Variants in ITGA1 observed in about 807,000 individuals in gnomAD.
The protein encoded by ITGA1 is integrin alpha-1.
A neutral mutation model predicts 145.9 loss-of-function variants in ITGA1; 85 were observed. The observed-to-expected ratio is 0.58, with a 90% CI of 0.49 to 0.70. The LOEUF (loss-of-function observed/expected upper bound fraction) is 0.70, where lower values mean the gene tolerates loss of function less well. Among genes scored for constraint, ITGA1 ranks in the 30% least tolerant of loss-of-function variants. The pLI, the probability that ITGA1 is intolerant of heterozygous loss-of-function variation, is 0.00. For synonymous variants in ITGA1, 520 were observed against 495.3 expected, an observed-to-expected ratio of 1.05 and a Z score of -0.66; for missense variants, 1,351 against 1,418.7, an observed-to-expected ratio of 0.95 and a Z score of 0.77.
At chr5:52,853,528 A>G (rs1457715874) in intron 2 of ITGA1, among the ~76,000 whole-genome samples, 1 of 152,228 alleles carries the variant, frequency 6.6e-6, no homozygotes, top group Non-Finnish European at 1.5e-5. Flanking sequence ...CGTCGTGACT[A>G]TAGTACGCCT....
At chr5:52,882,107 T>G (rs987549637) in intron 7 of ITGA1, 86 bp downstream of exon 7, 5 of 1,144,990 alleles carry the variant, frequency 4.4e-6, no homozygotes, top group Non-Finnish European at 4.8e-6. Flanking sequence ...AATTGAAAGT[T>G]TAATATGACA....
chr5:52,801,602 C>T (rs1190080856), intron 1 of ITGA1: 1 of 1,613,990 alleles, frequency 6.2e-7, no homozygotes, highest in Non-Finnish European at 8.5e-7. Context: ...GAAGCCATGG[C>T]AATTGACACA....
intron 11 of ITGA1, among the ~76,000 whole-genome samples, chr5:52,899,762 G>A (rs1041092479): frequency 2.0e-5 from 3 of 152,248 alleles, no homozygotes; most frequent in Admixed American, 6.5e-5. Context: ...ATAAAATATA[G>A]GGGTTAGGCT....
At chr5:52,913,554 C>T (rs1030170854) in intron 14 of ITGA1, among the ~76,000 whole-genome samples, 3 of 151,992 alleles carry the variant, frequency 2.0e-5, no homozygotes, top group Non-Finnish European at 2.9e-5. Flanking sequence ...TACAAAAGTG[C>T]TTAATGCACT....
At chr5:52,832,540 T>C (rs17211415) in intron 1 of ITGA1, among the ~76,000 whole-genome samples, 13,942 of 152,154 alleles carry the variant, frequency 0.092, 816 homozygotes, top group South Asian at 0.23. Context: ...CAATCACATA[T>C]TAGGAGGTCA....
chr5:52,799,999 TAGTGCGCCTGCGCACGC>T, intron 1 of ITGA1: 1 of 275,924 alleles, frequency 3.6e-6, no homozygotes, highest in Non-Finnish European at 7.1e-6. Context: ...CCTCACAGCT[TAGTGCGCCTGCGCACGC>T]GCGAACTGCG....
In ITGA1 at chr5:52,945,000, T is replaced by C; in HGVS notation, c.3343T>C (p.Ser1115Pro). 5.0e-6 allele frequency: 8 copies of C among 1,613,446 alleles called. No individual in the cohort carries two copies. Among genetic ancestry groups the C allele is most frequent in the Non-Finnish European group, 6.8e-6 (8 of 1,179,714 alleles). Reference protein sequence around the residue: ...IRGELRSENASLVLSSSNQKR... With the variant: ...IRGELRSENAPLVLSSSNQKR... ...GGGAGAACTTCGGAGTGAAAATGCA[T>C]CTCTGGTTTTAAGTAGCAGCAATCA... is the stretch of plus-strand genomic sequence containing the variant. Residue 1115 changes from serine to proline, a missense_variant, in exon 27 of 29, where the codon TCT becomes CCT. Ser to Pro is a moderately conservative substitution (Grantham distance 74, BLOSUM62 -1). Coordinates refer to ENST00000282588, the MANE Select transcript of ITGA1 (RefSeq NM_181501.2).
rs72756558 is a variant in ITGA1 at position 52,830,410 on chromosome 5, A to G, written c.62-18955A>G. On this transcript the variant is annotated intron_variant, in intron 1 of 28. Transcript: ENST00000282588. ...AAGTTTTCATAGGTAGGACTGTAAG[A>G]ATGTTTTAAATAAATCCTAATCATT... Among the ~76,000 whole-genome samples, 1,038 of 152,290 alleles carry G rather than the reference A, an allele frequency of 6.8e-3. 3 individuals carry two copies. Among genetic ancestry groups the G allele is most frequent in the Middle Eastern group, 0.01 (3 of 294 alleles).
chr5:52,917,289 G>T (rs1750661835), intron 15 of ITGA1, among the ~76,000 whole-genome samples: 1 of 152,152 alleles, frequency 6.6e-6, no homozygotes, highest in Non-Finnish European at 1.5e-5. Flanking sequence ...GGGTAAACTG[G>T]CTAAAACTCA....
chr5:52,915,556 T>G lies in ITGA1; in HGVS notation c.1950T>G (p.Asp650Glu). The G allele has an allele frequency of 6.2e-7, 1 of 1,614,106 alleles. No homozygotes were observed. Among genetic ancestry groups the G allele is most frequent in the Non-Finnish European group, 8.5e-7 (1 of 1,179,984 alleles). The change falls in exon 15 of 29, where the codon GAT (aspartate) becomes GAG (glutamate). Residue 650 changes from aspartate (D) to glutamate (E), a missense_variant. Coordinates refer to ENST00000282588, the MANE Select transcript of ITGA1 (RefSeq NM_181501.2). ...ATTTAAATGGTGACGGTCTGACAGATGTGACTATTGGGGGCCTTGGTGGTG... is the reference window on the plus strand; with the variant it reads ...ATTTAAATGGTGACGGTCTGACAGAGGTGACTATTGGGGGCCTTGGTGGTG... ...EMDLNGDGLT[D>E]VTIGGLGGAA... is the part of the protein sequence containing the mutation.
chr5:52,874,392 G>A (rs1219616413), intron 6 of ITGA1, among the ~76,000 whole-genome samples: 1 of 151,400 alleles, frequency 6.6e-6, no homozygotes, highest in Non-Finnish European at 1.5e-5. Flanking sequence ...ATCAACATGA[G>A]TTTTGGTGTC....
intron 5 of ITGA1, 43 bp downstream of exon 5, chr5:52,865,125 T>C (rs1749666914): frequency 7.3e-7 from 1 of 1,377,650 alleles, no homozygotes; most frequent in South Asian, 1.2e-5. Context: ...GAAAAGCCTA[T>C]GCAATGAATG....
At chr5:52,795,647 T>C (rs1478573062) in intron 1 of ITGA1, among the ~76,000 whole-genome samples, 3 of 151,962 alleles carry the variant, frequency 2.0e-5, no homozygotes, top group Admixed American at 6.6e-5. Context: ...AAACCAGTTA[T>C]TTTTCCAAGG....
intron 24 of ITGA1, among the ~76,000 whole-genome samples, chr5:52,938,374 C>T (rs1016115037): frequency 6.6e-6 from 1 of 152,060 alleles, no homozygotes; most frequent in Admixed American, 6.5e-5. Context: ...AAAAAATCAC[C>T]ATAAGTATTG....
rs747993201 is a variant in ITGA1, at chr5:52,788,363, C to A, written c.10C>A (p.Arg4=). ...TGAGGCTGCTCCGGCCATGGCCCCT[C>A]GGCCCCGCGCCCGCCCAGGGGTCGC... MAP[R]PRARPGVAVA... Residue 4 remains arginine (R), a synonymous_variant, in exon 1 of 29, where the codon CGG becomes AGG. Transcript: ENST00000282588. The A allele has an allele frequency of 1.3e-5, 19 of 1,510,764 alleles. No individual in the cohort carries two copies. The East Asian group carries it at 3.5e-4, about 28-fold the overall frequency. 93.6% of individuals were successfully genotyped at this position (1,510,764 alleles called of 1,614,324 possible). A position where few individuals can be genotyped will look rare whatever the true frequency, so the allele number is the denominator to read the frequency against.
Position 52,873,129 on chromosome 5 carries a change from G to A in ITGA1, c.624+7312G>A, listed in dbSNP as rs145516757. 3.0e-3 allele frequency among the ~76,000 whole-genome samples: 458 copies of A among 152,102 alleles called. 3 individuals carry two copies. Among genetic ancestry groups the A allele is most frequent in the African/African-American group, 0.011 (436 of 41,508 alleles). ...TTTTCACCTTCTCATGTATAAAATC[G>A]TTGTTTTTAGTGACCTCTTTCCCTT... On this transcript the variant is annotated intron_variant, in intron 6 of 28. Coordinates refer to ENST00000282588, the MANE Select transcript of ITGA1 (RefSeq NM_181501.2).
At chr5:52,845,786 G>A (rs1749322786) in intron 1 of ITGA1, among the ~76,000 whole-genome samples, 1 of 152,184 alleles carries the variant, frequency 6.6e-6, no homozygotes, top group Non-Finnish European at 1.5e-5. Flanking sequence ...TAGTTCCAAA[G>A]TTGAGAAACC....
chr5:52,862,683 C>T (rs1366491617), intron 3 of ITGA1, among the ~76,000 whole-genome samples: 1 of 152,018 alleles, frequency 6.6e-6, no homozygotes, highest in Non-Finnish European at 1.5e-5. Flanking sequence ...AATAGAATCA[C>T]ACAAGATAAA....
At position 52,958,317 on chromosome 5, in the gene ITGA1, C is replaced by T. The variant is rs184432338; in HGVS notation, c.*5866C>T. 6.6e-6 allele frequency: 1 copy of T among 152,290 alleles called. No homozygotes were observed. The highest frequency in any genetic ancestry group is 1.9e-4 in the East Asian group (1 of 5,188). 9.4% of individuals were successfully genotyped at this position (152,290 alleles called of 1,614,324 possible). ...CTTACTCCTCAAAATACTTTAAGCT[C>T]ACTCAGACCCCATATACCCTGCCCA... On this transcript the variant is annotated 3_prime_UTR_variant, in exon 29 of 29. Transcript: ENST00000282588.
Sources: allele counts gnomAD v4.1 joint callset (sites outside exome capture counted in the v4.1 genomes callset), GRCh38; gene constraint gnomAD v4.1.1; transcripts MANE v1.5; gene names NCBI Gene and HGNC (gene_info 2026-07-23, HGNC 2026-07-21).